PRKCE: variants seen among roughly 807,000 people sequenced by gnomAD.
PRKCE encodes the protein protein kinase C epsilon type.
PRKCE carries 16 observed loss-of-function variants against 85.4 expected under a neutral mutation model. The ratio of observed to expected loss-of-function variants is 0.19; its 90% CI spans 0.13 to 0.28. PRKCE has a LOEUF of 0.28. PRKCE is among the 10% of genes least tolerant of loss of function. The pLI is 1.00. For missense variants in PRKCE, 573 were observed against 975.2 expected (o/e 0.59, Z 5.49); for synonymous variants, 388 against 371.5 (o/e 1.04, Z -0.51).
chr2:45,679,778 G>A (rs1572919229), intron 1 of PRKCE, among the ~76,000 whole-genome samples: 1 of 152,264 alleles, frequency 6.6e-6, no homozygotes, highest in South Asian at 2.1e-4. Context: ...ATTGACCTCT[G>A]TAGGCACTTT....
chr2:45,951,062 C>T (rs1016151345), intron 2 of PRKCE, among the ~76,000 whole-genome samples: 1 of 152,186 alleles, frequency 6.6e-6, no homozygotes, highest in Admixed American at 6.5e-5. Flanking sequence ...CAGCTTAATG[C>T]TCGGTGCCCA....
chr2:46,082,751 G>C (rs530335876), intron 10 of PRKCE, among the ~76,000 whole-genome samples: 16 of 152,330 alleles, frequency 1.1e-4, no homozygotes, highest in Admixed American at 3.9e-4. Flanking sequence ...AAAGCCAAGG[G>C]AAACAAGTGT....
intron 1 of PRKCE, among the ~76,000 whole-genome samples, chr2:45,778,839 A>G (rs1015948634): frequency 4.6e-5 from 7 of 152,148 alleles, no homozygotes; most frequent in African/African-American, 1.4e-4. Flanking sequence ...ACCCCGGGAC[A>G]TTATTTCTAT....
chr2:46,002,978 CTG>C (rs1343169142), intron 7 of PRKCE, among the ~76,000 whole-genome samples: 2 of 152,170 alleles, frequency 1.3e-5, no homozygotes, highest in African/African-American at 2.4e-5. Context: ...GTCATGCCAG[CTG>C]TGAGACATTG....
intron 1 of PRKCE, among the ~76,000 whole-genome samples, chr2:45,802,008 G>C (rs1365101486): frequency 6.6e-6 from 1 of 151,468 alleles, no homozygotes. Context: ...TAGCACTTTA[G>C]GAAGGCCAAG....
At chr2:46,116,180 CCTT>C (rs1209794240) in intron 11 of PRKCE, among the ~76,000 whole-genome samples, 7 of 152,308 alleles carry the variant, frequency 4.6e-5, no homozygotes, top group South Asian at 4.1e-4. Context: ...CATGACCTCA[CCTT>C]CTCTTGGATC....
chr2:45,972,902 C>A (rs1260463039), intron 2 of PRKCE, among the ~76,000 whole-genome samples: 3 of 152,106 alleles, frequency 2.0e-5, no homozygotes, highest in East Asian at 3.8e-4. Flanking sequence ...ACAGAAAAAA[C>A]AATCCTAAAA....
intron 1 of PRKCE, among the ~76,000 whole-genome samples, chr2:45,808,153 G>T (rs1332903662): frequency 2.6e-5 from 4 of 151,936 alleles, no homozygotes; most frequent in African/African-American, 9.7e-5. Flanking sequence ...GCAGTTAACT[G>T]GTCTTTTCCC....
Position 46,019,847 on chromosome 2 carries a change from CTT to C in PRKCE, c.1437+9350_1437+9351del, listed in dbSNP as rs869079304. 1.2e-3 allele frequency among the ~76,000 whole-genome samples: 127 copies of C among 105,886 alleles called. 2 individuals are homozygous for C. In the South Asian group the frequency reaches 0.013, roughly 11 times the overall value. 69.5% of individuals were successfully genotyped at this position (105,886 alleles called of 152,430 possible). A position where few individuals can be genotyped will look rare whatever the true frequency, so the allele number is the denominator to read the frequency against. On this transcript the variant is annotated intron_variant, in intron 10 of 14. Coordinates refer to ENST00000306156, the MANE Select transcript of PRKCE (RefSeq NM_005400.3). ...TTTCTTGTAAAGCTGTTGGTTTTCT[CTT>C]TTTTTTTTTTTTTTTTTTTGAGACG...
intron 2 of PRKCE, among the ~76,000 whole-genome samples, chr2:45,854,307 C>T (rs929370130): frequency 3.9e-5 from 6 of 152,150 alleles, no homozygotes; most frequent in Non-Finnish European, 8.8e-5. Flanking sequence ...CCTCTTGGTC[C>T]AGTGGGGAAC....
chr2:45,787,984 T>C (rs557764982), intron 1 of PRKCE, among the ~76,000 whole-genome samples: 1 of 152,322 alleles, frequency 6.6e-6, no homozygotes, highest in African/African-American at 2.4e-5. Flanking sequence ...CAATGAAAGC[T>C]TGGAGTACCC....
intron 1 of PRKCE, among the ~76,000 whole-genome samples, chr2:45,709,242 C>T (rs954996179): frequency 3.9e-5 from 6 of 152,202 alleles, no homozygotes; most frequent in African/African-American, 1.4e-4. Flanking sequence ...CTGGGGCCAG[C>T]ATACCGGGCA....
chr2:45,883,716 G>A (rs1695046541), intron 2 of PRKCE, among the ~76,000 whole-genome samples: 1 of 152,204 alleles, frequency 6.6e-6, no homozygotes. Flanking sequence ...TCCTTAGGAA[G>A]AGGTTGTCCT....
chr2:45,846,534 T>C (rs1691802821), intron 2 of PRKCE, among the ~76,000 whole-genome samples: 1 of 152,288 alleles, frequency 6.6e-6, no homozygotes, highest in South Asian at 2.1e-4. Context: ...TAGGAATGAT[T>C]TTTGCAACAC....
rs142675736 is a variant in PRKCE, at chr2:45,833,815, T to C, written c.349-9185T>C. Among the ~76,000 whole-genome samples, 63 of 152,290 alleles carry C rather than the reference T, an allele frequency of 4.1e-4. 2 individuals are homozygous for C. Among genetic ancestry groups the C allele is most frequent in the African/African-American group, 1.3e-3 (55 of 41,564 alleles). The stretch of plus-strand genomic sequence containing the variant: ...TGCAGATCGGCAGTGGATTATCTGC[T>C]TCAGAATGCTTGGGTAGGTGGCTAC... On this transcript the variant is annotated intron_variant, in intron 1 of 14. Transcript: ENST00000306156.
At chr2:45,833,479 T>G (rs1169381576) in intron 1 of PRKCE, among the ~76,000 whole-genome samples, 1 of 152,168 alleles carries the variant, frequency 6.6e-6, no homozygotes, top group Non-Finnish European at 1.5e-5. Context: ...GCAGCTAATA[T>G]TTACAGGAAG....
At chr2:45,921,347 A>G (rs182733246) in intron 2 of PRKCE, among the ~76,000 whole-genome samples, 1 of 148,528 alleles carries the variant, frequency 6.7e-6, no homozygotes, top group Non-Finnish European at 1.5e-5. Flanking sequence ...AAATTGTTGT[A>G]AAAAAAACAC....
At chr2:45,655,581 C>G (rs1467812142) in intron 1 of PRKCE, among the ~76,000 whole-genome samples, 1 of 152,044 alleles carries the variant, frequency 6.6e-6, no homozygotes, top group Non-Finnish European at 1.5e-5. Flanking sequence ...ATCCCAACTA[C>G]TTGGGAGGCT....
intron 1 of PRKCE, among the ~76,000 whole-genome samples, chr2:45,770,162 C>T (rs1415879119): frequency 6.6e-6 from 1 of 152,226 alleles, no homozygotes; most frequent in Admixed American, 6.5e-5. Flanking sequence ...CTCCAGCCCT[C>T]TCTCGGACTG....
Sources: allele counts gnomAD v4.1 joint callset (sites outside exome capture counted in the v4.1 genomes callset), GRCh38; gene constraint gnomAD v4.1.1; transcripts MANE v1.5; gene names NCBI Gene and HGNC (gene_info 2026-07-23, HGNC 2026-07-21).